The following NTNG2 variants were observed in gnomAD, a reference collection of about 807,000 sequenced individuals.
The protein encoded by NTNG2 is netrin-G2.
A neutral mutation model predicts 47.6 loss-of-function variants in NTNG2; 15 were observed. That is an observed-to-expected ratio of 0.32 (90% confidence interval 0.21 to 0.49). The LOEUF (loss-of-function observed/expected upper bound fraction) is 0.49, where lower values mean the gene tolerates loss of function less well. Ranked by LOEUF, NTNG2 falls within the 20% of genes least tolerant of loss-of-function variation. The pLI is 0.99. For missense variants in NTNG2, 578 were observed against 764.6 expected, an observed-to-expected ratio of 0.76 and a Z score of 2.88; for synonymous variants, 307 against 324.6, an observed-to-expected ratio of 0.95 and a Z score of 0.58.
rs770602742 is a variant in NTNG2, at chr9:132,192,773, AAGAC to A, written c.214-5189_214-5186del. On this transcript the variant is annotated intron_variant, in intron 2 of 7. Coordinates refer to ENST00000393229, the MANE Select transcript of NTNG2 (RefSeq NM_032536.4). ...GCAAAATCAGAGGGGGACAAGGAGAAAGACAGAAAGAGAAAGAGGGAGAGAGAAA... is the reference window on the plus strand; with the variant it reads ...GCAAAATCAGAGGGGGACAAGGAGAAAGAAAGAGAAAGAGGGAGAGAGAAA... Among the ~76,000 whole-genome samples the A allele has an allele frequency of 6.6e-5, 10 of 152,328 alleles. 1 individual carries two copies. Among genetic ancestry groups the A allele is most frequent in the African/African-American group, 2.4e-4 (10 of 41,564 alleles).
rs1407514846 is a variant in NTNG2 at position 132,180,684 on chromosome 9, G to C, written c.213+13640G>C. On this transcript the variant is annotated intron_variant, in intron 2 of 7. Transcript: ENST00000393229. The surrounding 1 kb of genome is among the most constrained non-coding windows in gnomAD (Gnocchi z 4.2). The stretch of plus-strand genomic sequence containing the variant: ...GTACCCCCAGATTCTGCTTCAGGGA[G>C]ACGGAGAGAGAGAGAAAGAGAAAGA... Among the ~76,000 whole-genome samples the C allele has an allele frequency of 6.6e-6, 1 of 152,216 alleles. No individual in the cohort carries two copies. The highest frequency in any genetic ancestry group is 1.5e-5 in the Non-Finnish European group (1 of 68,050).
At chr9:132,203,914 A>G (rs548496900) in intron 3 of NTNG2, among the ~76,000 whole-genome samples, 2 of 152,294 alleles carry the variant, frequency 1.3e-5, no homozygotes, top group East Asian at 3.9e-4. Flanking sequence ...ACAGGAAAGG[A>G]GGAATGAGTT....
chr9:132,195,630 G>A (rs1302716899), intron 2 of NTNG2, among the ~76,000 whole-genome samples: 1 of 151,608 alleles, frequency 6.6e-6, no homozygotes, highest in South Asian at 2.1e-4. Context: ...CCTGGCCTTT[G>A]TTTTGGGGAA....
chr9:132,192,158 C>A (rs185444479), intron 2 of NTNG2, among the ~76,000 whole-genome samples: 1 of 152,204 alleles, frequency 6.6e-6, no homozygotes, highest in Admixed American at 6.5e-5. Flanking sequence ...CCTTCACCCC[C>A]ACTCAGAGGA....
rs1015717049 is a variant in NTNG2 at position 132,215,174 on chromosome 9, G to A, written c.858-11675G>A. On this transcript the variant is annotated intron_variant, in intron 3 of 7. Coordinates refer to ENST00000393229, the MANE Select transcript of NTNG2 (RefSeq NM_032536.4). This position sits in a 1 kb window ranked among gnomAD's most constrained non-coding sequence, Gnocchi z 4.2. ...GCCTCCCAGAGTGCCCAGATTACAC[G>A]CATGAGCCACTGCACCAGGCCTAAA... 6.6e-6 allele frequency among the ~76,000 whole-genome samples: 1 copy of A among 151,778 alleles called. No homozygotes were observed. Among genetic ancestry groups the A allele is most frequent in the Admixed American group, 6.6e-5 (1 of 15,234 alleles).
At chr9:132,216,048 C>A (rs1183471171) in intron 3 of NTNG2, among the ~76,000 whole-genome samples, 1 of 152,174 alleles carries the variant, frequency 6.6e-6, no homozygotes, top group Non-Finnish European at 1.5e-5. Flanking sequence ...CCGACTGATT[C>A]CCCAAGGCTG....
intron 3 of NTNG2, among the ~76,000 whole-genome samples, chr9:132,220,676 G>A (rs1481198092): frequency 1.3e-5 from 2 of 151,994 alleles, no homozygotes; most frequent in Non-Finnish European, 2.9e-5. Context: ...TTCAACTCCT[G>A]ACCTCAGGTA....
At chr9:132,216,697 A>G (rs750881977) in intron 3 of NTNG2, among the ~76,000 whole-genome samples, 6 of 152,006 alleles carry the variant, frequency 3.9e-5, no homozygotes, top group Non-Finnish European at 8.8e-5. Flanking sequence ...TTTTCTGGTG[A>G]GATTGATGGT....
chr9:132,174,267 TGGACAGAC>T (rs1836221857), intron 2 of NTNG2, among the ~76,000 whole-genome samples: 1 of 124,586 alleles, frequency 8.0e-6, no homozygotes, highest in Non-Finnish European at 1.7e-5. Flanking sequence ...GATGGATGGA[TGGACAGAC>T]GGACAGACAG....
chr9:132,203,710 C>G (rs374736805), intron 3 of NTNG2, among the ~76,000 whole-genome samples: 2 of 152,334 alleles, frequency 1.3e-5, no homozygotes, highest in African/African-American at 4.8e-5. Flanking sequence ...GTAGCAGCTG[C>G]ATTCGATGGG....
chr9:132,210,874 A>G (rs1839539260), intron 3 of NTNG2, among the ~76,000 whole-genome samples: 1 of 151,732 alleles, frequency 6.6e-6, no homozygotes, highest in African/African-American at 2.4e-5. Context: ...AGACTCACAG[A>G]TGCTCCCTTA....
rs946602165 is a variant in NTNG2 at position 132,231,765 on chromosome 9, G to A, written c.1054+1170G>A. ...CACGTCCACTGCCTGGGCCCCCATGGCGCCCAGCACCCCACAGCCCACAGG... is the reference window on the plus strand; with the variant it reads ...CACGTCCACTGCCTGGGCCCCCATGACGCCCAGCACCCCACAGCCCACAGG... On this transcript the variant is annotated intron_variant, in intron 5 of 7. Transcript: ENST00000393229. This position sits in a 1 kb window ranked among gnomAD's most constrained non-coding sequence, Gnocchi z 4.1. 8.6e-5 allele frequency: 15 copies of A among 175,024 alleles called. No individual in the cohort carries two copies. The highest frequency in any genetic ancestry group is 2.4e-4 in the African/African-American group (10 of 41,586). The allele number at this position is 175,024 out of a possible 1,614,324, so 10.8% of individuals were successfully genotyped here. A position where few individuals can be genotyped will look rare whatever the true frequency, so the allele number is the denominator to read the frequency against.
chr9:132,234,553 G>A (rs1390766631), intron 5 of NTNG2, among the ~76,000 whole-genome samples: 1 of 152,224 alleles, frequency 6.6e-6, no homozygotes, highest in Non-Finnish European at 1.5e-5. Context: ...GGTGCTTCGG[G>A]CTCTTTGAAC....
intron 3 of NTNG2, among the ~76,000 whole-genome samples, chr9:132,211,459 C>A (rs1338463497): frequency 6.6e-6 from 1 of 152,142 alleles, no homozygotes; most frequent in African/African-American, 2.4e-5. Flanking sequence ...TGGTCTTCTA[C>A]TGACCTTAGA....
intron 2 of NTNG2, among the ~76,000 whole-genome samples, chr9:132,191,009 G>T (rs917373294): frequency 2.0e-5 from 3 of 152,200 alleles, no homozygotes; most frequent in African/African-American, 7.2e-5. Flanking sequence ...GTTGGGTCCC[G>T]TGGAGTCCAG....
At chr9:132,224,735 ACT>A (rs1840607177) in intron 3 of NTNG2, among the ~76,000 whole-genome samples, 3 of 152,154 alleles carry the variant, frequency 2.0e-5, no homozygotes, top group Admixed American at 2.0e-4. Flanking sequence ...TATAGAGCAC[ACT>A]CTGTCTCTCT....
chr9:132,201,612 T>C (rs2130759468), intron 3 of NTNG2, among the ~76,000 whole-genome samples: 1 of 152,264 alleles, frequency 6.6e-6, no homozygotes, highest in African/African-American at 2.4e-5. Context: ...TTTACACCGA[T>C]CCTGTTCTGG....
At chr9:132,196,987 A>T (rs1285146697) in intron 2 of NTNG2, among the ~76,000 whole-genome samples, 1 of 152,226 alleles carries the variant, frequency 6.6e-6, no homozygotes, top group African/African-American at 2.4e-5. Context: ...CAAGTTCAGG[A>T]ACAGCCAGAT....
intron 1 of NTNG2, among the ~76,000 whole-genome samples, chr9:132,164,452 C>T (rs1451958987): frequency 6.6e-6 from 1 of 152,188 alleles, no homozygotes; most frequent in Non-Finnish European, 1.5e-5. Flanking sequence ...AGCCCGGCGT[C>T]CTGGTTGTCC....
Sources: allele counts gnomAD v4.1 joint callset (sites outside exome capture counted in the v4.1 genomes callset), GRCh38; gene constraint gnomAD v4.1.1; non-coding constraint Gnocchi (gnomAD v3.1); transcripts MANE v1.5; gene names NCBI Gene and HGNC (gene_info 2026-07-23, HGNC 2026-07-21).